Variants in GSK3B observed in about 807,000 individuals in gnomAD.
The protein encoded by GSK3B is glycogen synthase kinase-3 beta.
GSK3B carries 15 observed loss-of-function variants against 56.4 expected under a neutral mutation model. The observed-to-expected ratio is 0.27, with a 90% CI of 0.18 to 0.41. The LOEUF (loss-of-function observed/expected upper bound fraction) is 0.41, where lower values mean the gene tolerates loss of function less well. Among genes scored for constraint, GSK3B ranks in the 10% least tolerant of loss-of-function variants. The pLI is 1.00. For synonymous variants in GSK3B, 181 were observed against 188.9 expected (o/e 0.96, Z 0.34); for missense variants, 300 against 513.4 (o/e 0.58, Z 4.02).
intron 10 of GSK3B, 39 bp downstream of exon 10, chr3:119,843,216 A>T (rs761299716): frequency 7.5e-7 from 1 of 1,327,542 alleles, no homozygotes; most frequent in Non-Finnish European, 1.1e-6. Context: ...TGCCCAGCCC[A>T]GAATATGTTT....
At chr3:119,932,537 G>A (rs1324139755) in intron 3 of GSK3B, among the ~76,000 whole-genome samples, 1 of 146,638 alleles carries the variant, frequency 6.8e-6, no homozygotes, top group African/African-American at 2.5e-5. Flanking sequence ...TAATAAATGT[G>A]CCAGAAGAAA....
chr3:120,035,618 A>T (rs1359008831), intron 1 of GSK3B, among the ~76,000 whole-genome samples: 1 of 152,172 alleles, frequency 6.6e-6, no homozygotes, highest in African/African-American at 2.4e-5. Context: ...TGAACATAGG[A>T]TGTCCATCCT....
chr3:120,090,030 G>C (rs1218401343), intron 1 of GSK3B, among the ~76,000 whole-genome samples: 2 of 151,830 alleles, frequency 1.3e-5, no homozygotes, highest in Non-Finnish European at 2.9e-5. Context: ...TTTATTCTTA[G>C]ATAAATTTTG....
intron 3 of GSK3B, among the ~76,000 whole-genome samples, chr3:119,945,930 C>T (rs927001796): frequency 2.0e-5 from 3 of 151,792 alleles, no homozygotes; most frequent in Non-Finnish European, 4.4e-5. Context: ...CTAACAGAGG[C>T]TGTACAATTT....
At chr3:119,851,696 A>T (rs2055932558) in intron 9 of GSK3B, among the ~76,000 whole-genome samples, 1 of 152,198 alleles carries the variant, frequency 6.6e-6, no homozygotes, top group Non-Finnish European at 1.5e-5. Flanking sequence ...TCCAAAAAGG[A>T]GTTACTAAAA....
chr3:119,838,159 C>A (rs953795011), intron 10 of GSK3B, among the ~76,000 whole-genome samples: 1 of 151,520 alleles, frequency 6.6e-6, no homozygotes, highest in Non-Finnish European at 1.5e-5. Context: ...TATGGTAGTG[C>A]GCGCCTGTAA....
At chr3:120,081,108 A>C (rs6804691) in intron 1 of GSK3B, among the ~76,000 whole-genome samples, 4 of 152,172 alleles carry the variant, frequency 2.6e-5, no homozygotes, top group African/African-American at 9.7e-5. Flanking sequence ...GTGCTTACCA[A>C]CCAGTGCAAC....
At chr3:120,051,477 C>T (rs1399469990) in intron 1 of GSK3B, among the ~76,000 whole-genome samples, 1 of 152,130 alleles carries the variant, frequency 6.6e-6, no homozygotes. Flanking sequence ...ATAAAAAGCA[C>T]TATACTGGGT....
At chr3:119,833,858 A>G (rs981519156) in intron 10 of GSK3B, among the ~76,000 whole-genome samples, 4 of 151,624 alleles carry the variant, frequency 2.6e-5, no homozygotes, top group African/African-American at 9.7e-5. Context: ...ATGCCTGGCT[A>G]AATTTTTTTT....
chr3:120,070,807 T>A (rs2058320812), intron 1 of GSK3B, among the ~76,000 whole-genome samples: 2 of 152,180 alleles, frequency 1.3e-5, no homozygotes, highest in Admixed American at 1.3e-4. Context: ...TAGACAGCAG[T>A]TCATTATAAC....
chr3:119,842,522 A>G (rs1281421511), intron 10 of GSK3B, among the ~76,000 whole-genome samples: 2 of 152,118 alleles, frequency 1.3e-5, no homozygotes, highest in Admixed American at 6.5e-5. Context: ...AAAGTGTATT[A>G]TTTTCAGTAA....
intron 2 of GSK3B, among the ~76,000 whole-genome samples, chr3:119,963,144 G>T (rs184780909): frequency 6.6e-6 from 1 of 152,264 alleles, no homozygotes; most frequent in Non-Finnish European, 1.5e-5. Context: ...AACCAAGGAG[G>T]TGAAAGACTT....
At chr3:119,868,293 G>A (rs915853932) in intron 8 of GSK3B, among the ~76,000 whole-genome samples, 4 of 151,938 alleles carry the variant, frequency 2.6e-5, no homozygotes, top group African/African-American at 9.7e-5. Context: ...CTAGCCCATA[G>A]AAGAAACTAA....
At chr3:119,877,133 A>T (rs1044673026) in intron 7 of GSK3B, among the ~76,000 whole-genome samples, 1 of 152,174 alleles carries the variant, frequency 6.6e-6, no homozygotes, top group Non-Finnish European at 1.5e-5. Flanking sequence ...TTGGGTCATA[A>T]AAAAGATTAC....
intron 2 of GSK3B, among the ~76,000 whole-genome samples, chr3:119,959,407 G>A (rs956564372): frequency 2.0e-5 from 3 of 151,016 alleles, no homozygotes; most frequent in African/African-American, 7.3e-5. Context: ...CTTTAAACAT[G>A]CTCTACCCAT....
At chr3:119,968,861 T>C (rs1465091174) in intron 2 of GSK3B, among the ~76,000 whole-genome samples, 1 of 152,150 alleles carries the variant, frequency 6.6e-6, no homozygotes, top group African/African-American at 2.4e-5. Context: ...TATAGTAAAG[T>C]TGCAGGATAC....
At chr3:120,070,167 T>G (rs908754107) in intron 1 of GSK3B, among the ~76,000 whole-genome samples, 1 of 150,704 alleles carries the variant, frequency 6.6e-6, no homozygotes, top group South Asian at 2.1e-4. Context: ...GAGCCGAGAC[T>G]GCACCACTGC....
chr3:119,952,690 C>G (rs1164709246), intron 2 of GSK3B, among the ~76,000 whole-genome samples: 1 of 148,936 alleles, frequency 6.7e-6, no homozygotes, highest in Non-Finnish European at 1.5e-5. Flanking sequence ...GACTAATCAT[C>G]AGGAAAAAAC....
intron 5 of GSK3B, 59 bp from the exon 6 acceptor site, chr3:119,912,869 A>T (rs2056749126): frequency 1.4e-6 from 1 of 737,550 alleles, no homozygotes; most frequent in East Asian, 2.5e-5. Flanking sequence ...ACCTTAAAGA[A>T]CTTAGACTGC....
Sources: gnomAD v4.1 joint callset for allele counts (sites outside exome capture counted in the v4.1 genomes callset) on GRCh38, gnomAD v4.1.1 for gene constraint, MANE v1.5 for transcripts, NCBI Gene and HGNC (gene_info 2026-07-23, HGNC 2026-07-21) for gene names.